PCDHGB4: variants seen among roughly 807,000 people sequenced by gnomAD.
The protein encoded by PCDHGB4 is protocadherin gamma-B4.
PCDHGB4 carries 38 observed loss-of-function variants against 60.5 expected under a neutral mutation model. The ratio of observed to expected loss-of-function variants is 0.63; its 90% CI spans 0.48 to 0.82. The LOEUF is 0.82. Ranked by LOEUF, PCDHGB4 falls within the 40% of genes least tolerant of loss-of-function variation. The probability of loss-of-function intolerance (pLI) is 0.00; values close to 1 mark genes in which losing one functional copy is unlikely to be tolerated. For missense variants in PCDHGB4, 1,109 were observed against 1,209.6 expected, an observed-to-expected ratio of 0.92 and a Z score of 1.23; for synonymous variants, 456 against 509.7, an observed-to-expected ratio of 0.89 and a Z score of 1.42.
At chr5:141,462,335 A>G in intron 1 of PCDHGB4, among the ~76,000 whole-genome samples, 1 of 152,220 alleles carries the variant, frequency 6.6e-6, no homozygotes, top group East Asian at 1.9e-4. Context: ...ATTTAATTGT[A>G]TTGTGATCCA....
chr5:141,394,087 C>T, intron 1 of PCDHGB4: 2 of 1,613,888 alleles, frequency 1.2e-6, no homozygotes, highest in Non-Finnish European at 1.7e-6. Context: ...GTGATGGCCT[C>T]AGATCTAGGA....
intron 1 of PCDHGB4, chr5:141,392,978 C>T: frequency 1.9e-6 from 3 of 1,613,808 alleles, no homozygotes; most frequent in South Asian, 1.1e-5. Context: ...TGGGGCTGGA[C>T]CCCCGGAAGC....
chr5:141,497,512 T>C (rs903352739), intron 2 of PCDHGB4, among the ~76,000 whole-genome samples: 2 of 151,896 alleles, frequency 1.3e-5, no homozygotes, highest in Admixed American at 1.3e-4. Flanking sequence ...TCTGCTTCCT[T>C]AGTTAACTTG....
At chr5:141,400,777 T>G (rs2094073733) in intron 1 of PCDHGB4, 1 of 565,634 alleles carries the variant, frequency 1.8e-6, no homozygotes. Context: ...ATTTGGTGCG[T>G]TTTTTTGTCC....
Position 141,410,397 on chromosome 5 carries a change from G to T in PCDHGB4, c.2397+20116G>T, listed in dbSNP as rs1338071222. Reference sequence around the variant, plus strand: ...TGGGACTGCTTCCATCCTGGTCTCTGTGTCAAGTCTGGACCTGTAGTTCCC... The same window carrying T: ...TGGGACTGCTTCCATCCTGGTCTCTTTGTCAAGTCTGGACCTGTAGTTCCC... On this transcript the variant is annotated intron_variant, in intron 1 of 3. Coordinates refer to ENST00000519479, the MANE Select transcript of PCDHGB4 (RefSeq NM_003736.4). The T allele has an allele frequency of 3.7e-6, 6 of 1,613,930 alleles. No homozygotes were observed. The African/African-American group carries it at 8.0e-5, about 22-fold the overall frequency.
At chr5:141,460,817 A>G (rs527681610) in intron 1 of PCDHGB4, among the ~76,000 whole-genome samples, 3 of 152,126 alleles carry the variant, frequency 2.0e-5, no homozygotes, top group South Asian at 2.1e-4. Context: ...ATGTATACAT[A>G]TATACACACT....
Position 141,486,453 on chromosome 5 carries a change from C to T in PCDHGB4, c.2398-8354C>T, listed in dbSNP as rs776820667. 6.2e-6 allele frequency: 10 copies of T among 1,614,114 alleles called. No homozygotes were observed. The highest frequency in any genetic ancestry group is 1.1e-5 in the South Asian group (1 of 91,082). On this transcript the variant is annotated intron_variant, in intron 1 of 3. Transcript: ENST00000519479. The surrounding 1 kb of genome is among the most constrained non-coding windows in gnomAD (Gnocchi z 5.0). ...TCTAGCTATGACATCATGGTCACTGCTTCTGATGCTGGGAACCCTCCTCTC... is the reference window on the plus strand; with the variant it reads ...TCTAGCTATGACATCATGGTCACTGTTTCTGATGCTGGGAACCCTCCTCTC...
intron 1 of PCDHGB4, among the ~76,000 whole-genome samples, chr5:141,444,646 G>T (rs1023259048): frequency 1.3e-5 from 2 of 152,098 alleles, no homozygotes; most frequent in Non-Finnish European, 2.9e-5. Flanking sequence ...TGAGGTAGGG[G>T]TTGAAGTTAT....
At chr5:141,457,422 T>TC (rs1038085994) in intron 1 of PCDHGB4, among the ~76,000 whole-genome samples, 6 of 151,626 alleles carry the variant, frequency 4.0e-5, no homozygotes, top group African/African-American at 7.3e-5. Flanking sequence ...CATCCCTTTT[T>TC]CCCCCCCACC....
At chr5:141,427,584 A>G in intron 1 of PCDHGB4, 1 of 674,672 alleles carries the variant, frequency 1.5e-6, no homozygotes, top group Non-Finnish European at 2.7e-6. Context: ...CTCATCCAGC[A>G]CAAGCCTCAC....
chr5:141,508,599 G>T lies in PCDHGB4; in HGVS notation c.2546-2348G>T, dbSNP rs948748985. On this transcript the variant is annotated intron_variant, in intron 3 of 3. Coordinates refer to ENST00000519479, the MANE Select transcript of PCDHGB4 (RefSeq NM_003736.4). ...CTCGGGGTGCTACTCAGAGATCTTGGGTGCACATAGGACGTGGGTGGGCCG... is the reference window on the plus strand; with the variant it reads ...CTCGGGGTGCTACTCAGAGATCTTGTGTGCACATAGGACGTGGGTGGGCCG... Among the ~76,000 whole-genome samples the T allele has an allele frequency of 3.9e-5, 6 of 152,212 alleles. No individual in the cohort carries two copies. The South Asian group carries it at 1.2e-3, about 32-fold the overall frequency.
At chr5:141,404,859 A>G in intron 1 of PCDHGB4, 1 of 1,613,494 alleles carries the variant, frequency 6.2e-7, no homozygotes, top group South Asian at 1.1e-5. Flanking sequence ...CTAGATAGAG[A>G]TGCGCTCAAA....
chr5:141,490,321 G>C lies in PCDHGB4; in HGVS notation c.2398-4486G>C. On this transcript the variant is annotated intron_variant, in intron 1 of 3. Coordinates refer to ENST00000519479, the MANE Select transcript of PCDHGB4 (RefSeq NM_003736.4). The surrounding 1 kb of genome is among the most constrained non-coding windows in gnomAD (Gnocchi z 5.4). ...GGCCTCTTTGGCCAACCCTGTCCTA[G>C]AGAGCACACCAGTGGGCACAGTAGT... 1.2e-6 allele frequency: 2 copies of C among 1,614,220 alleles called. No homozygotes were observed. The highest frequency in any genetic ancestry group is 1.7e-6 in the Non-Finnish European group (2 of 1,180,044).
At chr5:141,392,994 A>T in intron 1 of PCDHGB4, 1 of 1,613,910 alleles carries the variant, frequency 6.2e-7, no homozygotes, top group Non-Finnish European at 8.5e-7. Context: ...GAAGCTGGCG[A>T]AGCACGGAGT....
Position 141,431,794 on chromosome 5 carries a change from A to C in PCDHGB4, c.2397+41513A>C. On this transcript the variant is annotated intron_variant, in intron 1 of 3. Coordinates refer to ENST00000519479, the MANE Select transcript of PCDHGB4 (RefSeq NM_003736.4). The surrounding 1 kb of genome is among the most constrained non-coding windows in gnomAD (Gnocchi z 4.8). ...TTCTGGACGTGAACGACAATGCCCC[A>C]GAAGTGGTCCTCACCTCTCTCGCCA... 1 of 1,614,260 alleles carries C rather than the reference A, an allele frequency of 6.2e-7. No individual in the cohort carries two copies. Among genetic ancestry groups the C allele is most frequent in the Non-Finnish European group, 8.5e-7 (1 of 1,180,046 alleles).
At position 141,422,119 on chromosome 5, in the gene PCDHGB4, C is replaced by T. The variant is rs778866054; in HGVS notation, c.2397+31838C>T. 26 of 1,603,658 alleles carry T rather than the reference C, an allele frequency of 1.6e-5. No homozygotes were observed. In the Admixed American group the frequency reaches 4.2e-4, roughly 26 times the overall value. ...TTCTGAAATATTCCAATTGGATTCA[C>T]AAACTGGAGAAGTTCAAGTACGGGG... On this transcript the variant is annotated intron_variant, in intron 1 of 3. Transcript: ENST00000519479.
At position 141,489,585 on chromosome 5, in the gene PCDHGB4, G is replaced by A; in HGVS notation, c.2398-5222G>A. 3 of 1,614,090 alleles carry A rather than the reference G, an allele frequency of 1.9e-6. No individual in the cohort carries two copies. Among genetic ancestry groups the A allele is most frequent in the Non-Finnish European group, 2.5e-6 (3 of 1,180,004 alleles). The stretch of plus-strand genomic sequence containing the variant: ...AGGTGGTGACTGAACACCCCCTGGA[G>A]CTAATCCGTGTAGAGGTAGAGATCC... On this transcript the variant is annotated intron_variant, in intron 1 of 3. Coordinates refer to ENST00000519479, the MANE Select transcript of PCDHGB4 (RefSeq NM_003736.4). The surrounding 1 kb of genome is among the most constrained non-coding windows in gnomAD (Gnocchi z 4.5).
At chr5:141,421,370 A>G (rs765775416) in intron 1 of PCDHGB4, 4 of 1,613,916 alleles carry the variant, frequency 2.5e-6, no homozygotes, top group African/African-American at 1.3e-5. Flanking sequence ...TTCGTGGGCA[A>G]TATCTCCAAG....
intron 1 of PCDHGB4, among the ~76,000 whole-genome samples, chr5:141,445,553 A>T (rs948468877): frequency 1.3e-5 from 2 of 152,252 alleles, no homozygotes; most frequent in Non-Finnish European, 1.5e-5. Context: ...ATACAAAAGC[A>T]CTAAGAGAAA....
Sources: gnomAD v4.1 joint callset for allele counts (sites outside exome capture counted in the v4.1 genomes callset) on GRCh38, gnomAD v4.1.1 for gene constraint, Gnocchi (gnomAD v3.1) non-coding constraint, MANE v1.5 for transcripts, NCBI Gene and HGNC (gene_info 2026-07-23, HGNC 2026-07-21) for gene names.